ATF7IP2: variants seen among roughly 807,000 people sequenced by gnomAD.
The protein encoded by ATF7IP2 is activating transcription factor 7 interacting protein 2, also known as activating transcription factor 7-interacting protein 2.
ATF7IP2 carries 42 observed loss-of-function variants against 64.2 expected under a neutral mutation model. The observed-to-expected ratio is 0.65, with a 90% CI of 0.51 to 0.85. The LOEUF is 0.85. ATF7IP2 is among the 40% of genes least tolerant of loss of function. ATF7IP2 has a pLI of 0.00. For synonymous variants in ATF7IP2, 308 were observed against 272.8 expected (o/e 1.13, Z -1.27); for missense variants, 933 against 784.2 (o/e 1.19, Z -2.27).
intron 9 of ATF7IP2, among the ~76,000 whole-genome samples, chr16:10,468,474 G>A (rs1056298530): frequency 3.9e-5 from 6 of 152,120 alleles, no homozygotes; most frequent in African/African-American, 1.4e-4. Context: ...ATCATGATTG[G>A]GAAAACAAAT....
At position 10,433,775 on chromosome 16, in the gene ATF7IP2, A is replaced by G. The variant is rs2048331656; in HGVS notation, c.960+126A>G. The G allele has an allele frequency of 3.8e-5, 38 of 1,009,558 alleles. 1 individual carries two copies. In the South Asian group the frequency reaches 4.6e-4, roughly 12 times the overall value. The allele number at this position is 1,009,558 out of a possible 1,614,324, so 62.5% of individuals were successfully genotyped here. ...CACTTGCTGCAGAGCTGGTGTGTGAAAGCCAAATTATCAGACAGACTGGGG... is the reference window on the plus strand; with the variant it reads ...CACTTGCTGCAGAGCTGGTGTGTGAGAGCCAAATTATCAGACAGACTGGGG... On this transcript the variant is annotated intron_variant, in intron 6 of 13. Transcript: ENST00000562102.
intron 1 of ATF7IP2, among the ~76,000 whole-genome samples, chr16:10,404,091 C>G (rs889728572): frequency 1.3e-5 from 2 of 152,056 alleles, no homozygotes; most frequent in African/African-American, 4.8e-5. Context: ...CTAATGATTC[C>G]TAGGAAAATA....
intron 12 of ATF7IP2, among the ~76,000 whole-genome samples, 163 bp from the exon 13 acceptor site, chr16:10,480,716 C>T (rs1014036234): frequency 6.6e-6 from 1 of 151,186 alleles, no homozygotes; most frequent in African/African-American, 2.4e-5. Flanking sequence ...ATATTTGGTA[C>T]CTCTGTATCT....
intron 8 of ATF7IP2, among the ~76,000 whole-genome samples, chr16:10,451,094 G>C (rs967249395): frequency 2.6e-5 from 4 of 152,200 alleles, no homozygotes; most frequent in African/African-American, 7.2e-5. Flanking sequence ...GGCTGGATAT[G>C]AAATTTTGGG....
chr16:10,412,010 G>GGTTTTTTTTCTTTTTTTTTTTTTTT (rs1476575065), intron 1 of ATF7IP2, among the ~76,000 whole-genome samples: 1 of 58,390 alleles, frequency 1.7e-5, no homozygotes. Context: ...ATCTTTTTTT[G>GGTTTTTTTTCTTTTTTTTTTTTTTT]TTTTTTTTTT....
At chr16:10,408,518 T>C (rs2047687956) in intron 1 of ATF7IP2, among the ~76,000 whole-genome samples, 2 of 152,214 alleles carry the variant, frequency 1.3e-5, no homozygotes, top group Non-Finnish European at 2.9e-5. Context: ...TTTTGACTTT[T>C]TGATTATGGC....
intron 1 of ATF7IP2, among the ~76,000 whole-genome samples, chr16:10,402,297 C>T (rs2047550609): frequency 6.6e-6 from 1 of 152,074 alleles, no homozygotes; most frequent in Non-Finnish European, 1.5e-5. Flanking sequence ...TCATTTGTCT[C>T]AAATGTTCTT....
chr16:10,386,914 C>T (rs2047214279), intron 1 of ATF7IP2: 1 of 152,108 alleles, frequency 6.6e-6, no homozygotes, highest in Non-Finnish European at 1.5e-5. Flanking sequence ...GACTTTCTAC[C>T]TTTCCGTGTT....
At chr16:10,450,987 G>T (rs1677244035) in intron 8 of ATF7IP2, among the ~76,000 whole-genome samples, 1 of 152,192 alleles carries the variant, frequency 6.6e-6, no homozygotes, top group Non-Finnish European at 1.5e-5. Context: ...GCTTCTTTCA[G>T]GAGCTCTTGT....
intron 12 of ATF7IP2, among the ~76,000 whole-genome samples, chr16:10,477,650 G>A (rs1258320512): frequency 6.6e-6 from 1 of 151,904 alleles, no homozygotes; most frequent in Non-Finnish European, 1.5e-5. Flanking sequence ...TCTGGCCAGG[G>A]CAATTAGGCA....
intron 9 of ATF7IP2, among the ~76,000 whole-genome samples, chr16:10,460,934 C>T (rs1282098117): frequency 6.6e-6 from 1 of 152,074 alleles, no homozygotes; most frequent in East Asian, 1.9e-4. Context: ...AATCGCAGCA[C>T]ATATAACCTG....
chr16:10,446,230 C>T (rs1209735594), intron 8 of ATF7IP2: 2 of 152,230 alleles, frequency 1.3e-5, no homozygotes, highest in Non-Finnish European at 2.9e-5. Flanking sequence ...TCTAAACACT[C>T]ATGTTCAGGT....
intron 7 of ATF7IP2, 100 bp from the exon 8 acceptor site, chr16:10,440,264 T>A (rs2048569652): frequency 2.0e-5 from 11 of 551,760 alleles, no homozygotes; most frequent in Non-Finnish European, 3.5e-5. Flanking sequence ...GGTAGATGTC[T>A]AGGTCTTACA....
chr16:10,477,504 A>T lies in ATF7IP2; in HGVS notation c.1550-3375A>T, dbSNP rs1157856178. Among the ~76,000 whole-genome samples the T allele has an allele frequency of 2.6e-5, 4 of 152,110 alleles. No homozygotes were observed. In the South Asian group the frequency reaches 8.3e-4, roughly 32 times the overall value. Reference sequence around the variant, plus strand: ...AAATAATAAGAGCTATCTATGACAAACCCACAGCCAATATCATACTGAATG... The same window carrying T: ...AAATAATAAGAGCTATCTATGACAATCCCACAGCCAATATCATACTGAATG... On this transcript the variant is annotated intron_variant, in intron 12 of 13. Coordinates refer to ENST00000562102, the MANE Select transcript of ATF7IP2 (RefSeq NM_001393719.1).
At chr16:10,456,923 T>A (rs889875104) in intron 8 of ATF7IP2, among the ~76,000 whole-genome samples, 4 of 152,196 alleles carry the variant, frequency 2.6e-5, no homozygotes, top group Non-Finnish European at 5.9e-5. Flanking sequence ...ATGCTGCAAG[T>A]TCTCAACCAA....
At chr16:10,435,324 G>T (rs1324709241) in intron 6 of ATF7IP2, among the ~76,000 whole-genome samples, 1 of 152,182 alleles carries the variant, frequency 6.6e-6, no homozygotes, top group African/African-American at 2.4e-5. Context: ...TGAAGAGGAA[G>T]GGTTTTTCCT....
intron 4 of ATF7IP2, among the ~76,000 whole-genome samples, chr16:10,429,851 T>C (rs939988231): frequency 2.0e-5 from 3 of 150,246 alleles, no homozygotes; most frequent in Non-Finnish European, 3.0e-5. Context: ...TATTTTATTT[T>C]TATTTTATTT....
At chr16:10,463,254 CA>C (rs2142033078) in intron 9 of ATF7IP2, among the ~76,000 whole-genome samples, 1 of 152,314 alleles carries the variant, frequency 6.6e-6, no homozygotes, top group East Asian at 1.9e-4. Flanking sequence ...AGACTAGATT[CA>C]CTCTGTACTC....
chr16:10,395,797 TAA>T (rs543109496), intron 1 of ATF7IP2, among the ~76,000 whole-genome samples: 1 of 152,080 alleles, frequency 6.6e-6, no homozygotes, highest in Non-Finnish European at 1.5e-5. Flanking sequence ...AAAGCATCTG[TAA>T]AAAAACCCAC....
Sources: allele counts gnomAD v4.1 joint callset (sites outside exome capture counted in the v4.1 genomes callset), GRCh38; gene constraint gnomAD v4.1.1; transcripts MANE v1.5; gene names NCBI Gene and HGNC (gene_info 2026-07-23, HGNC 2026-07-21).